Variants in UNC13B observed in about 807,000 individuals in gnomAD.
The protein encoded by UNC13B is protein unc-13 homolog B.
A neutral mutation model predicts 211.0 loss-of-function variants in UNC13B; 144 were observed. That is an observed-to-expected ratio of 0.68 (90% CI 0.60 to 0.78). The LOEUF (loss-of-function observed/expected upper bound fraction) is 0.78. Among genes scored for constraint, UNC13B ranks in the 30% least tolerant of loss-of-function variants. The pLI, the probability that UNC13B is intolerant of heterozygous loss-of-function variation, is 0.00. For missense variants in UNC13B, 1,777 were observed against 2,002.0 expected, an observed-to-expected ratio of 0.89 and a Z score of 2.14; for synonymous variants, 709 against 725.8, an observed-to-expected ratio of 0.98 and a Z score of 0.37.
intron 1 of UNC13B, among the ~76,000 whole-genome samples, chr9:35,176,611 A>T (rs1821650826): frequency 1.3e-5 from 2 of 152,182 alleles, no homozygotes; most frequent in Admixed American, 1.3e-4. Flanking sequence ...GCACTTGGGG[A>T]GGAATGGTGA....
chr9:35,312,387 A>G (rs1334358370), intron 10 of UNC13B, among the ~76,000 whole-genome samples: 1 of 152,218 alleles, frequency 6.6e-6, no homozygotes, highest in African/African-American at 2.4e-5. Context: ...TAGATGGGAC[A>G]TCCAGGAGGT....
intron 37 of UNC13B, among the ~76,000 whole-genome samples, chr9:35,402,236 A>C (rs532711770): frequency 4.0e-5 from 6 of 151,486 alleles, no homozygotes; most frequent in South Asian, 2.1e-4. Context: ...AGGACAAAGA[A>C]GGATTTTCTC....
intron 1 of UNC13B, among the ~76,000 whole-genome samples, chr9:35,196,738 C>T (rs1822965011): frequency 6.6e-6 from 1 of 152,162 alleles, no homozygotes; most frequent in African/African-American, 2.4e-5. Context: ...AGCTTTGACT[C>T]TGAAAATACT....
At chr9:35,314,334 C>T (rs904771402) in intron 11 of UNC13B, among the ~76,000 whole-genome samples, 17 of 152,122 alleles carry the variant, frequency 1.1e-4, no homozygotes, top group Admixed American at 7.2e-4. Context: ...CTTACCTAGC[C>T]GGTCCATACT....
intron 10 of UNC13B, among the ~76,000 whole-genome samples, chr9:35,313,297 C>T (rs1830273396): frequency 6.6e-6 from 1 of 151,998 alleles, no homozygotes; most frequent in African/African-American, 2.4e-5. Context: ...GTATTCAGTA[C>T]TATGCTGCTC....
chr9:35,218,388 A>G (rs571332133), intron 1 of UNC13B, among the ~76,000 whole-genome samples: 2 of 152,180 alleles, frequency 1.3e-5, no homozygotes, highest in South Asian at 4.2e-4. Flanking sequence ...CTGATGAAAA[A>G]GGATGTGTGG....
At chr9:35,213,338 G>T (rs1824073043) in intron 1 of UNC13B, among the ~76,000 whole-genome samples, 1 of 151,450 alleles carries the variant, frequency 6.6e-6, no homozygotes. Flanking sequence ...CCTGCATCTG[G>T]TATCAGGACA....
chr9:35,220,482 A>G (rs149501007), intron 1 of UNC13B, among the ~76,000 whole-genome samples: 280 of 151,618 alleles, frequency 1.8e-3, no homozygotes, highest in Non-Finnish European at 2.6e-3. Flanking sequence ...TGTTTCCATG[A>G]GTTCAATTGT....
intron 11 of UNC13B, among the ~76,000 whole-genome samples, chr9:35,319,580 T>G (rs545379499): frequency 2.6e-5 from 4 of 152,214 alleles, no homozygotes; most frequent in African/African-American, 9.6e-5. Flanking sequence ...CCTTCCTCCC[T>G]CTAGTAGTCT....
intron 7 of UNC13B, among the ~76,000 whole-genome samples, chr9:35,273,736 G>T (rs1273485437): frequency 6.6e-6 from 1 of 152,210 alleles, no homozygotes; most frequent in East Asian, 1.9e-4. Context: ...GGCAGGTACT[G>T]CCAGTGCTTC....
chr9:35,230,470 CAAA>C (rs765330072), intron 2 of UNC13B, among the ~76,000 whole-genome samples: 7 of 50,338 alleles, frequency 1.4e-4, no homozygotes, highest in Admixed American at 1.9e-4. Flanking sequence ...GACTCTGTCT[CAAA>C]AAAAAAAAAA....
intron 7 of UNC13B, among the ~76,000 whole-genome samples, chr9:35,270,335 A>ATG (rs1222835008): frequency 2.0e-5 from 2 of 100,096 alleles, no homozygotes; most frequent in African/African-American, 6.5e-5. Flanking sequence ...CTCTATGTAT[A>ATG]TATATGTGTG....
intron 21 of UNC13B, among the ~76,000 whole-genome samples, chr9:35,383,989 C>G (rs1212957881): frequency 6.6e-6 from 1 of 152,210 alleles, no homozygotes; most frequent in Non-Finnish European, 1.5e-5. Flanking sequence ...TTTCTCCCCC[C>G]AGGGACTTGG....
chr9:35,311,193 A>T (rs971200070), intron 10 of UNC13B, among the ~76,000 whole-genome samples: 2 of 152,160 alleles, frequency 1.3e-5, no homozygotes, highest in Admixed American at 1.3e-4. Flanking sequence ...GCTGGTCTTG[A>T]ACTCCTGAGC....
chr9:35,239,958 C>T (rs1564086276), intron 5 of UNC13B, among the ~76,000 whole-genome samples: 1 of 152,114 alleles, frequency 6.6e-6, no homozygotes, highest in Non-Finnish European at 1.5e-5. Flanking sequence ...TTAACACAAT[C>T]CTCACAGGGT....
chr9:35,284,921 G>A (rs913006554), intron 7 of UNC13B, among the ~76,000 whole-genome samples: 2 of 152,212 alleles, frequency 1.3e-5, no homozygotes, highest in East Asian at 1.9e-4. Flanking sequence ...AATGGGTGGT[G>A]TAACAGTTGC....
chr9:35,269,632 C>A (rs536861647), intron 7 of UNC13B, among the ~76,000 whole-genome samples: 1 of 152,296 alleles, frequency 6.6e-6, no homozygotes, highest in South Asian at 2.1e-4. Flanking sequence ...AGCCTCCATC[C>A]TCCAGGAGTT....
chr9:35,223,022 C>T (rs1253567219), intron 1 of UNC13B, among the ~76,000 whole-genome samples: 1 of 152,192 alleles, frequency 6.6e-6, no homozygotes, highest in Non-Finnish European at 1.5e-5. Context: ...CTGCAAATGA[C>T]AGGGTTTCAT....
At chr9:35,230,022 G>A (rs1285328750) in intron 2 of UNC13B, among the ~76,000 whole-genome samples, 4 of 152,156 alleles carry the variant, frequency 2.6e-5, no homozygotes, top group Non-Finnish European at 4.4e-5. Flanking sequence ...CATGGCTGAT[G>A]TGGATGTAGT....
Sources: gnomAD v4.1 joint callset for allele counts (sites outside exome capture counted in the v4.1 genomes callset) on GRCh38, gnomAD v4.1.1 for gene constraint, MANE v1.5 for transcripts, NCBI Gene and HGNC (gene_info 2026-07-23, HGNC 2026-07-21) for gene names.